Variants in CLEC17A observed in about 807,000 individuals in gnomAD.
CLEC17A encodes C-type lectin domain containing 17A, also known as C-type lectin domain family 17, member A.
In CLEC17A, 37 loss-of-function variants were observed where a neutral mutation model predicts 61.3. The ratio of observed to expected loss-of-function variants is 0.60; its 90% CI spans 0.46 to 0.79. The LOEUF is 0.79. Ranked by LOEUF, CLEC17A falls within the 30% of genes least tolerant of loss-of-function variation. The probability of loss-of-function intolerance (pLI) is 0.00; values close to 1 mark genes in which losing one functional copy is unlikely to be tolerated. For synonymous variants in CLEC17A, 168 were observed against 164.9 expected, an observed-to-expected ratio of 1.02 and a Z score of -0.14; for missense variants, 418 against 464.7, an observed-to-expected ratio of 0.90 and a Z score of 0.92.
intron 13 of CLEC17A, among the ~76,000 whole-genome samples, chr19:14,609,370 C>T (rs2074989865): frequency 6.6e-6 from 1 of 152,090 alleles, no homozygotes; most frequent in Admixed American, 6.6e-5. Flanking sequence ...ATCTAGCTTC[C>T]CTCACCTCTC....
intron 2 of CLEC17A, among the ~76,000 whole-genome samples, chr19:14,583,791 A>T (rs1938327152): frequency 6.6e-6 from 1 of 152,034 alleles, no homozygotes; most frequent in Non-Finnish European, 1.5e-5. Context: ...CTGAGTTACA[A>T]AAGCTGGTGC....
intron 13 of CLEC17A, among the ~76,000 whole-genome samples, chr19:14,608,109 C>T (rs1035431067): frequency 1.3e-5 from 2 of 151,756 alleles, no homozygotes; most frequent in South Asian, 2.1e-4. Flanking sequence ...TGAGCTCAAG[C>T]GATCCACCCG....
chr19:14,583,765 G>A (rs1261197432), intron 2 of CLEC17A, among the ~76,000 whole-genome samples: 1 of 152,116 alleles, frequency 6.6e-6, no homozygotes, highest in Non-Finnish European at 1.5e-5. Context: ...GGAGAGAACA[G>A]TTAGGTGCAA....
chr19:14,592,330 T>A lies in CLEC17A; in HGVS notation c.249T>A (p.Pro83=). ...ATGATGACTATGAGAACTCAACACC[T>A]CCCTACAAGGACCTTCCTCCCAAGC... ...EEDDDYENST[P]PYKDLPPKPG... is the part of the protein sequence containing the mutation. The change falls in exon 4 of 14, where the codon CCT becomes CCA. Residue 83 remains proline, a synonymous_variant. Transcript: ENST00000417570. 1.9e-6 allele frequency: 3 copies of A among 1,603,240 alleles called. No individual in the cohort carries two copies. The South Asian group carries it at 3.4e-5, about 18-fold the overall frequency.
intron 13 of CLEC17A, among the ~76,000 whole-genome samples, chr19:14,608,507 C>T (rs2074959261): frequency 6.6e-6 from 1 of 152,082 alleles, no homozygotes; most frequent in African/African-American, 2.4e-5. Flanking sequence ...TGTCTGGACC[C>T]TGAACCTTCA....
intron 3 of CLEC17A, among the ~76,000 whole-genome samples, chr19:14,589,237 C>G (rs549040659): frequency 7.3e-6 from 1 of 137,248 alleles, no homozygotes; most frequent in Non-Finnish European, 1.5e-5. Flanking sequence ...CCATCCCACC[C>G]CATCCCAACA....
At chr19:14,585,447 T>C (rs1217709424) in intron 2 of CLEC17A, among the ~76,000 whole-genome samples, 1 of 152,216 alleles carries the variant, frequency 6.6e-6, no homozygotes, top group Non-Finnish European at 1.5e-5. Context: ...CTGTGACCCT[T>C]ACGTTCTCAT....
At chr19:14,596,500 G>A (rs1269731926) in intron 8 of CLEC17A, among the ~76,000 whole-genome samples, 1 of 152,068 alleles carries the variant, frequency 6.6e-6, no homozygotes, top group African/African-American at 2.4e-5. Context: ...TGGGCCTAGT[G>A]GCACACATCT....
At chr19:14,601,648 T>G (rs116830598) in intron 12 of CLEC17A, among the ~76,000 whole-genome samples, 6,286 of 152,160 alleles carry the variant, frequency 0.041, 429 homozygotes, top group African/African-American at 0.14. Context: ...GGACAAGGTC[T>G]CACTCTGTCA....
At chr19:14,593,186 G>A (rs891163252) in intron 4 of CLEC17A, among the ~76,000 whole-genome samples, 1 of 152,050 alleles carries the variant, frequency 6.6e-6, no homozygotes, top group Non-Finnish European at 1.5e-5. Flanking sequence ...ATATAAAAGT[G>A]GAGGTTTGGG....
chr19:14,601,917 CGA>C (rs2074728906), intron 12 of CLEC17A, among the ~76,000 whole-genome samples: 1 of 151,856 alleles, frequency 6.6e-6, no homozygotes, highest in South Asian at 2.1e-4. Context: ...TTCAGCCTCC[CGA>C]GTAGCTGGGA....
rs1295950137 is a variant in CLEC17A, at chr19:14,611,913, A to G, written c.*1717A>G. 6.6e-6 allele frequency among the ~76,000 whole-genome samples: 1 copy of G among 152,176 alleles called. No individual in the cohort carries two copies. The highest frequency in any genetic ancestry group is 1.5e-5 in the Non-Finnish European group (1 of 68,024). On this transcript the variant is annotated 3_prime_UTR_variant, in exon 14 of 14. Coordinates refer to ENST00000417570, the MANE Select transcript of CLEC17A (RefSeq NM_001204118.2). ...CAGCTACTCAGGAGACTAAGGCACG[A>G]GAATTGCTTGAACCCAGGAGGCGGA...
chr19:14,592,022 C>T (rs541798827), intron 3 of CLEC17A, among the ~76,000 whole-genome samples: 2 of 152,086 alleles, frequency 1.3e-5, no homozygotes, highest in Admixed American at 1.3e-4. Context: ...ATGCCTTAGA[C>T]ATCTGAGTAG....
At chr19:14,607,433 G>A (rs2074918017) in intron 13 of CLEC17A, among the ~76,000 whole-genome samples, 1 of 151,800 alleles carries the variant, frequency 6.6e-6, no homozygotes, top group South Asian at 2.1e-4. Flanking sequence ...TTGATCTCCT[G>A]ACCTCGTGAT....
At chr19:14,599,543 T>C in intron 10 of CLEC17A, 174 bp from the exon 11 acceptor site, 1 of 682,824 alleles carries the variant, frequency 1.5e-6, no homozygotes, top group Non-Finnish European at 2.7e-6. Flanking sequence ...CTCTGAGCCA[T>C]TCTCGGATTC....
intron 12 of CLEC17A, among the ~76,000 whole-genome samples, chr19:14,606,225 A>C (rs1323947514): frequency 1.3e-5 from 2 of 152,042 alleles, no homozygotes; most frequent in African/African-American, 4.8e-5. Context: ...AATGCTACCT[A>C]CTAAGACGTC....
At chr19:14,593,480 A>G (rs1599544933) in intron 4 of CLEC17A, among the ~76,000 whole-genome samples, 2 of 151,966 alleles carry the variant, frequency 1.3e-5, no homozygotes. Context: ...ACCCCCAGCT[A>G]TATGAAAACA....
intron 11 of CLEC17A, 86 bp from the exon 12 acceptor site, chr19:14,599,945 G>A: frequency 6.4e-7 from 1 of 1,554,668 alleles, no homozygotes; most frequent in Non-Finnish European, 8.8e-7. Context: ...GTTGAGCAGT[G>A]TACAGCCTGC....
chr19:14,603,396 A>G (rs2074771714), intron 12 of CLEC17A, among the ~76,000 whole-genome samples: 1 of 152,208 alleles, frequency 6.6e-6, no homozygotes, highest in Non-Finnish European at 1.5e-5. Context: ...AAATGGGCAT[A>G]ATGATAATAC....
Sources: allele counts gnomAD v4.1 joint callset (sites outside exome capture counted in the v4.1 genomes callset), GRCh38; gene constraint gnomAD v4.1.1; transcripts MANE v1.5; gene names NCBI Gene and HGNC (gene_info 2026-07-23, HGNC 2026-07-21).